CDH12: variants seen among roughly 807,000 people sequenced by gnomAD.
CDH12 encodes cadherin-12.
In CDH12, 41 loss-of-function variants were observed where a neutral mutation model predicts 74.1. The observed-to-expected ratio is 0.55, with a 90% CI of 0.43 to 0.72. The LOEUF (loss-of-function observed/expected upper bound fraction) is 0.72, where lower values mean the gene tolerates loss of function less well. CDH12 is among the 30% of genes least tolerant of loss of function. The pLI is 0.00. For missense variants in CDH12, 945 were observed against 977.2 expected, an observed-to-expected ratio of 0.97 and a Z score of 0.44; for synonymous variants, 399 against 355.0, an observed-to-expected ratio of 1.12 and a Z score of -1.39.
chr5:21,976,436 A>C (rs1209976516), intron 5 of CDH12, among the ~76,000 whole-genome samples: 3 of 150,836 alleles, frequency 2.0e-5, no homozygotes, highest in Non-Finnish European at 4.4e-5. Context: ...TTACGTGTAA[A>C]TAAATAAATA....
chr5:22,623,767 A>C (rs945973924), intron 1 of CDH12, among the ~76,000 whole-genome samples: 9 of 152,106 alleles, frequency 5.9e-5, no homozygotes, highest in Non-Finnish European at 1.0e-4. Flanking sequence ...TCAATACCAT[A>C]CCCATCAAGC....
At chr5:22,117,758 A>G (rs1745260359) in intron 4 of CDH12, among the ~76,000 whole-genome samples, 1 of 151,140 alleles carries the variant, frequency 6.6e-6, no homozygotes, top group African/African-American at 2.4e-5. Context: ...CATTGCATGT[A>G]TACACTTATA....
intron 4 of CDH12, among the ~76,000 whole-genome samples, chr5:22,181,291 AGATACTT>A (rs1451912422): frequency 2.6e-5 from 4 of 152,050 alleles, no homozygotes; most frequent in African/African-American, 9.7e-5. Context: ...ATATTCCTAG[AGATACTT>A]GATGACCCCC....
At chr5:21,779,642 C>T (rs369057677) in intron 11 of CDH12, 86 of 152,306 alleles carry the variant, frequency 5.6e-4, no homozygotes, top group African/African-American at 2.0e-3. Flanking sequence ...CATTTCATTT[C>T]ACCTGAGAGT....
chr5:22,503,630 G>A (rs1455995196), intron 2 of CDH12, among the ~76,000 whole-genome samples: 1 of 152,044 alleles, frequency 6.6e-6, no homozygotes, highest in Non-Finnish European at 1.5e-5. Flanking sequence ...AAATGAACAT[G>A]CCAATTTCTT....
chr5:22,347,388 A>T (rs190127682), intron 3 of CDH12, among the ~76,000 whole-genome samples: 5 of 152,174 alleles, frequency 3.3e-5, no homozygotes, highest in African/African-American at 1.2e-4. Context: ...GCCCTTGAGC[A>T]TCGGACTCCA....
chr5:22,492,355 T>TA, intron 2 of CDH12, among the ~76,000 whole-genome samples: 1 of 151,996 alleles, frequency 6.6e-6, no homozygotes, highest in East Asian at 1.9e-4. Flanking sequence ...AAAATGTTTT[T>TA]TTTTTTTTTT....
chr5:22,672,478 A>C (rs1740954866), intron 1 of CDH12, among the ~76,000 whole-genome samples: 1 of 152,132 alleles, frequency 6.6e-6, no homozygotes, highest in East Asian at 1.9e-4. Context: ...TTATCTTGGG[A>C]CTAGATTTAC....
chr5:21,878,785 AAAAG>A (rs373356467), intron 6 of CDH12, among the ~76,000 whole-genome samples: 13 of 96,066 alleles, frequency 1.4e-4, no homozygotes, highest in South Asian at 3.8e-4. Flanking sequence ...AAGAAAGAAA[AAAAG>A]AAAGAAAGAA....
intron 1 of CDH12, among the ~76,000 whole-genome samples, chr5:22,790,088 A>G (rs1234412888): frequency 6.6e-6 from 1 of 152,136 alleles, no homozygotes; most frequent in Non-Finnish European, 1.5e-5. Context: ...GATGTGGCTC[A>G]TGAGAAAAGT....
intron 1 of CDH12, among the ~76,000 whole-genome samples, chr5:22,529,568 A>ATCCATTG (rs2126700919): frequency 6.6e-6 from 1 of 152,234 alleles, no homozygotes; most frequent in Non-Finnish European, 1.5e-5. Flanking sequence ...AGGCCCACTC[A>ATCCATTG]CATTATGGAA....
intron 6 of CDH12, among the ~76,000 whole-genome samples, chr5:21,950,924 C>A (rs1755832377): frequency 1.3e-5 from 2 of 150,790 alleles, no homozygotes; most frequent in Non-Finnish European, 3.0e-5. Context: ...GTAGCTGGTA[C>A]TACAGGTGCC....
intron 1 of CDH12, among the ~76,000 whole-genome samples, chr5:22,794,432 C>G (rs1422040812): frequency 6.6e-6 from 1 of 152,158 alleles, no homozygotes; most frequent in Non-Finnish European, 1.5e-5. Context: ...ATGTGACCTG[C>G]CAACTCTGAC....
At chr5:22,590,547 T>C (rs1254017673) in intron 1 of CDH12, among the ~76,000 whole-genome samples, 1 of 152,180 alleles carries the variant, frequency 6.6e-6, no homozygotes, top group Non-Finnish European at 1.5e-5. Flanking sequence ...TAAATACTCT[T>C]TAGTAATTTT....
At chr5:22,001,555 TG>T (rs775064180) in intron 5 of CDH12, among the ~76,000 whole-genome samples, 1 of 152,044 alleles carries the variant, frequency 6.6e-6, no homozygotes, top group Non-Finnish European at 1.5e-5. Context: ...TTGAGTGTCA[TG>T]GGGGTTTGGT....
At chr5:22,800,085 G>A (rs1748434501) in intron 1 of CDH12, among the ~76,000 whole-genome samples, 1 of 152,168 alleles carries the variant, frequency 6.6e-6, no homozygotes, top group Admixed American at 6.6e-5. Context: ...TGAGGAGGTA[G>A]TAGTTAATTC....
intron 4 of CDH12, among the ~76,000 whole-genome samples, chr5:22,160,419 C>T (rs12655093): frequency 0.085 from 12,935 of 151,972 alleles, 666 homozygotes; most frequent in African/African-American, 0.14. Context: ...ATTGAGTAGT[C>T]ACATGAACGT....
At chr5:22,633,786 G>A (rs746257198) in intron 1 of CDH12, among the ~76,000 whole-genome samples, 12 of 152,230 alleles carry the variant, frequency 7.9e-5, no homozygotes, top group Admixed American at 2.6e-4. Flanking sequence ...GCTCACAGAA[G>A]GCAGATTCTG....
intron 6 of CDH12, among the ~76,000 whole-genome samples, chr5:21,921,448 T>A (rs1007589806): frequency 2.6e-5 from 4 of 152,160 alleles, no homozygotes; most frequent in African/African-American, 9.7e-5. Flanking sequence ...TTAAAACAAT[T>A]TTTTTCTGTC....
Sources: gnomAD v4.1 joint callset for allele counts (sites outside exome capture counted in the v4.1 genomes callset) on GRCh38, gnomAD v4.1.1 for gene constraint, MANE v1.5 for transcripts, NCBI Gene and HGNC (gene_info 2026-07-23, HGNC 2026-07-21) for gene names.